Variants in BMP8B observed in about 807,000 individuals in gnomAD.
The protein encoded by BMP8B is bone morphogenetic protein 8b.
BMP8B carries 17 observed loss-of-function variants against 30.3 expected under a neutral mutation model. The ratio of observed to expected loss-of-function variants is 0.56; its 90% CI spans 0.38 to 0.84. The LOEUF (loss-of-function observed/expected upper bound fraction) is 0.84. Among genes scored for constraint, BMP8B ranks in the 40% least tolerant of loss-of-function variants. BMP8B has a pLI of 0.00. For synonymous variants in BMP8B, 131 were observed against 214.7 expected, an observed-to-expected ratio of 0.61 and a Z score of 3.41; for missense variants, 253 against 494.6, an observed-to-expected ratio of 0.51 and a Z score of 4.63.
At chr1:39,768,963 G>A (rs1388661679) in intron 3 of BMP8B, among the ~76,000 whole-genome samples, 6 of 150,592 alleles carry the variant, frequency 4.0e-5, no homozygotes, top group Non-Finnish European at 8.8e-5. Flanking sequence ...TGGATCGCTT[G>A]AGCTCAAGTG....
rs569307423 is a variant in BMP8B, at chr1:39,775,147, G to A, written c.335-109C>T. The A allele has an allele frequency of 1.3e-4, 191 of 1,512,636 alleles. 1 individual carries two copies. Among genetic ancestry groups the A allele is most frequent in the Non-Finnish European group, 1.5e-4 (163 of 1,116,036 alleles). 93.7% of individuals were successfully genotyped at this position (1,512,636 alleles called of 1,614,324 possible). On this transcript the variant is annotated intron_variant, in intron 1 of 6. Transcript: ENST00000372827. Reference sequence around the variant, plus strand: ...AGCCACCCACCACTCAAGGTGGAGCGGACCCAGGGAGGCCTGGGTGGGGCC... The same window carrying A: ...AGCCACCCACCACTCAAGGTGGAGCAGACCCAGGGAGGCCTGGGTGGGGCC...
chr1:39,786,703 C>CTTCACAGA (rs201440369), intron 1 of BMP8B, among the ~76,000 whole-genome samples: 4,068 of 152,286 alleles, frequency 0.027, 100 homozygotes, highest in East Asian at 0.12. Flanking sequence ...CCAGCCCCAG[C>CTTCACAGA]TTCACAGATG....
chr1:39,783,887 G>T (rs1650816583), intron 1 of BMP8B, among the ~76,000 whole-genome samples: 1 of 152,368 alleles, frequency 6.6e-6, no homozygotes, highest in Admixed American at 6.5e-5. Flanking sequence ...TCCAGTCTGG[G>T]TGAAAGAGCA....
chr1:39,778,298 C>T (rs533036558), intron 1 of BMP8B, among the ~76,000 whole-genome samples: 2,146 of 151,904 alleles, frequency 0.014, 20 homozygotes, highest in Non-Finnish European at 0.018. Flanking sequence ...CCTCCTCTCC[C>T]GGCCTGGCCC....
At chr1:39,769,512 T>C in intron 3 of BMP8B, 1 of 746,650 alleles carries the variant, frequency 1.3e-6, no homozygotes, top group Non-Finnish European at 2.0e-6. Flanking sequence ...AGAAACACAG[T>C]GAGGAACTGA....
intron 1 of BMP8B, among the ~76,000 whole-genome samples, chr1:39,776,733 G>T (rs1650263021): frequency 6.6e-6 from 1 of 152,218 alleles, no homozygotes; most frequent in Admixed American, 6.5e-5. Flanking sequence ...TTTGAATTAA[G>T]TTTTTCTAAA....
chr1:39,786,144 A>G (rs230325), intron 1 of BMP8B, among the ~76,000 whole-genome samples: 97,434 of 152,174 alleles, frequency 0.64, 31,624 homozygotes, highest in Middle Eastern at 0.77. Flanking sequence ...ACAGTCTCAC[A>G]TGAGTTAAAT....
intron 3 of BMP8B, among the ~76,000 whole-genome samples, chr1:39,766,303 AGTT>A (rs1557476943): frequency 1.4e-5 from 2 of 146,516 alleles, no homozygotes; most frequent in East Asian, 1.9e-4. Context: ...AAACAGTGCC[AGTT>A]GTTCAGTTTA....
chr1:39,779,450 A>C (rs1650468077), intron 1 of BMP8B, among the ~76,000 whole-genome samples: 1 of 151,994 alleles, frequency 6.6e-6, no homozygotes, highest in Non-Finnish European at 1.5e-5. Flanking sequence ...GGTTGTTCAG[A>C]GGTTGCTGGG....
intron 3 of BMP8B, among the ~76,000 whole-genome samples, chr1:39,771,616 TAA>T (rs1649986000): frequency 6.7e-6 from 1 of 149,932 alleles, no homozygotes; most frequent in Non-Finnish European, 1.5e-5. Context: ...CCCAGCTCAT[TAA>T]AGACACCAAG....
At position 39,774,888 on chromosome 1, in the gene BMP8B, T is replaced by G. The variant is rs1650111237; in HGVS notation, c.485A>C (p.His162Pro). The change falls in exon 2 of 7, where the codon CAC becomes CCC. Residue 162 changes from histidine (H) to proline (P), a missense_variant. His to Pro is a moderately conservative substitution (Grantham distance 77). Transcript: ENST00000372827. ...CTGGACCACCTGGAACATGCTGACG[T>G]GGAGGGTCCTGTTGAGCAGGTGGAT... ...PSIHLLNRTL[H>P]VSMFQVVQEQ... 4 of 1,002,962 alleles carry G rather than the reference T, an allele frequency of 4.0e-6. No individual in the cohort carries two copies. The highest frequency in any genetic ancestry group is 5.8e-6 in the Non-Finnish European group (4 of 693,036). 62.1% of individuals were successfully genotyped at this position (1,002,962 alleles called of 1,614,324 possible). A position where few individuals can be genotyped will look rare whatever the true frequency, so the allele number is the denominator to read the frequency against.
At chr1:39,775,318 GC>G (rs1557484233) in intron 1 of BMP8B, among the ~76,000 whole-genome samples, 2 of 152,256 alleles carry the variant, frequency 1.3e-5, no homozygotes, top group African/African-American at 2.4e-5. Flanking sequence ...CTCCCGTTGC[GC>G]CCCCTTCTCG....
intron 1 of BMP8B, among the ~76,000 whole-genome samples, chr1:39,781,956 G>A (rs1360137212): frequency 8.5e-5 from 13 of 152,052 alleles, no homozygotes; most frequent in African/African-American, 3.1e-4. Flanking sequence ...CAGGAGTTCA[G>A]GATCAGCCTG....
In BMP8B at chr1:39,769,794, C is replaced by T; in HGVS notation, c.673+4514G>A. ...TTGATGTCGTCCACCGTCAGGCCCTCCCAGAGCTCCCTCAGCGTCAGCTCT... is the reference window on the plus strand; with the variant it reads ...TTGATGTCGTCCACCGTCAGGCCCTTCCAGAGCTCCCTCAGCGTCAGCTCT... On this transcript the variant is annotated intron_variant, in intron 3 of 6. Coordinates refer to ENST00000372827, the MANE Select transcript of BMP8B (RefSeq NM_001720.5). 3.7e-6 allele frequency: 6 copies of T among 1,613,624 alleles called. No individual in the cohort carries two copies. In the South Asian group the frequency reaches 6.6e-5, roughly 18 times the overall value.
chr1:39,775,860 G>A (rs1344974935), intron 1 of BMP8B, among the ~76,000 whole-genome samples: 2 of 152,110 alleles, frequency 1.3e-5, no homozygotes, highest in African/African-American at 4.8e-5. Flanking sequence ...ACTGGGTGAT[G>A]GGATCTGAGC....
At chr1:39,784,033 G>T (rs967198979) in intron 1 of BMP8B, among the ~76,000 whole-genome samples, 4 of 152,234 alleles carry the variant, frequency 2.6e-5, no homozygotes, top group African/African-American at 9.6e-5. Context: ...GCTGTGTGGA[G>T]AGGCAGCTGC....
At position 39,758,109 on chromosome 1, in the gene BMP8B, A is replaced by C. The variant is rs1039582117; in HGVS notation, c.*2310T>G. The stretch of plus-strand genomic sequence containing the variant: ...ATCATTGGCTGGGCACTAAAGATAC[A>C]GGTGGAGTAAAAAATTAATTGTCAA... On this transcript the variant is annotated 3_prime_UTR_variant, in exon 7 of 7. Transcript: ENST00000372827. 3 of 152,258 alleles carry C rather than the reference A, an allele frequency of 2.0e-5. No individual in the cohort carries two copies. Among genetic ancestry groups the C allele is most frequent in the Admixed American group, 1.3e-4 (2 of 15,294 alleles). The allele number at this position is 152,258 out of a possible 1,614,324, so 9.4% of individuals were successfully genotyped here. A position where few individuals can be genotyped will look rare whatever the true frequency, so the allele number is the denominator to read the frequency against.
intron 1 of BMP8B, among the ~76,000 whole-genome samples, chr1:39,775,501 C>T (rs1010373648): frequency 1.4e-4 from 21 of 152,222 alleles, no homozygotes; most frequent in Non-Finnish European, 2.6e-4. Flanking sequence ...TCTCAGGGGA[C>T]ACAAGGCATC....
Position 39,760,113 on chromosome 1 carries a change from G to A in BMP8B, c.*306C>T, listed in dbSNP as rs1648731726. On this transcript the variant is annotated 3_prime_UTR_variant, in exon 7 of 7. Transcript: ENST00000372827. ...AGGGGCATGGATAGGACCTCAGACA[G>A]GACTTCTGTGCCAACCCCAAAGAAC... 4.7e-6 allele frequency: 2 copies of A among 427,316 alleles called. No individual in the cohort carries two copies. The highest frequency in any genetic ancestry group is 4.0e-5 in the African/African-American group (2 of 49,970). 26.5% of individuals were successfully genotyped at this position (427,316 alleles called of 1,614,324 possible).
Sources: gnomAD v4.1 joint callset for allele counts (sites outside exome capture counted in the v4.1 genomes callset) on GRCh38, gnomAD v4.1.1 for gene constraint, MANE v1.5 for transcripts, NCBI Gene and HGNC (gene_info 2026-07-23, HGNC 2026-07-21) for gene names.